The following PRKCB variants were observed in gnomAD, a reference collection of about 807,000 sequenced individuals.
PRKCB encodes protein kinase C beta.
PRKCB carries 13 observed loss-of-function variants against 81.5 expected under a neutral mutation model. That is an observed-to-expected ratio of 0.16 (90% CI 0.10 to 0.25). PRKCB has a LOEUF of 0.25. Among genes scored for constraint, PRKCB ranks in the 10% least tolerant of loss-of-function variants. The pLI, the probability that PRKCB is intolerant of heterozygous loss-of-function variation, is 1.00. For missense variants in PRKCB, 509 were observed against 875.7 expected, an observed-to-expected ratio of 0.58 and a Z score of 5.29; for synonymous variants, 335 against 321.4, an observed-to-expected ratio of 1.04 and a Z score of -0.45.
chr16:23,959,182 G>A (rs1389312548), intron 2 of PRKCB, among the ~76,000 whole-genome samples: 3 of 152,168 alleles, frequency 2.0e-5, no homozygotes, highest in Non-Finnish European at 2.9e-5. Flanking sequence ...ACCCCCTGTG[G>A]ATTATGTCAA....
At chr16:23,837,554 T>A (rs1962187768) in intron 2 of PRKCB, 148 bp downstream of exon 2, 1 of 1,011,236 alleles carries the variant, frequency 9.9e-7, no homozygotes, top group Non-Finnish European at 1.4e-6. Context: ...CACAACAGGG[T>A]CCTTTCAAGG....
chr16:24,156,718 C>T (rs966301400), intron 10 of PRKCB, among the ~76,000 whole-genome samples: 1 of 152,224 alleles, frequency 6.6e-6, no homozygotes, highest in Non-Finnish European at 1.5e-5. Context: ...TAGTCCAAAT[C>T]TCTAGTCTTA....
intron 15 of PRKCB, among the ~76,000 whole-genome samples, chr16:24,187,304 A>C (rs755109765): frequency 6.6e-6 from 1 of 152,204 alleles, no homozygotes; most frequent in South Asian, 2.1e-4. Flanking sequence ...CATTTGGCCA[A>C]TTCTCTCCAA....
chr16:24,073,792 T>A (rs1302852456), intron 5 of PRKCB, among the ~76,000 whole-genome samples: 2 of 152,190 alleles, frequency 1.3e-5, no homozygotes, highest in African/African-American at 4.8e-5. Context: ...AATATGTTGA[T>A]CTTTTCCAGA....
chr16:23,839,447 A>G lies in PRKCB; in HGVS notation c.205+2041A>G, dbSNP rs116725446. Among the ~76,000 whole-genome samples, 206 of 152,092 alleles carry G rather than the reference A, an allele frequency of 1.4e-3. 2 individuals are homozygous for G. The highest frequency in any genetic ancestry group is 4.5e-3 in the African/African-American group (188 of 41,474). On this transcript the variant is annotated intron_variant, in intron 2 of 16. Coordinates refer to ENST00000643927, the MANE Select transcript of PRKCB (RefSeq NM_002738.7). ...CACCACCATGCCTGGCTAATTTTAA[A>G]ACAACTTTTGTAGAGAAGGGGTCTT...
chr16:24,141,813 A>G (rs1013426428), intron 9 of PRKCB, among the ~76,000 whole-genome samples: 13 of 152,270 alleles, frequency 8.5e-5, no homozygotes, highest in Admixed American at 7.8e-4. Context: ...AGACAGTATG[A>G]CCTTGCCTTT....
intron 2 of PRKCB, among the ~76,000 whole-genome samples, chr16:23,912,057 C>A (rs918158204): frequency 6.6e-6 from 1 of 151,922 alleles, no homozygotes; most frequent in Non-Finnish European, 1.5e-5. Context: ...GTCTCGAACT[C>A]CTGACCTCAG....
chr16:23,953,579 C>A (rs1345191098), intron 2 of PRKCB, among the ~76,000 whole-genome samples: 2 of 152,138 alleles, frequency 1.3e-5, no homozygotes, highest in African/African-American at 4.8e-5. Context: ...CCAATTAGAG[C>A]TTTTGAGATT....
intron 10 of PRKCB, among the ~76,000 whole-genome samples, chr16:24,156,175 G>T (rs188862556): frequency 1.1e-4 from 17 of 152,274 alleles, no homozygotes; most frequent in African/African-American, 3.9e-4. Flanking sequence ...TAGTGGTATA[G>T]TTCCTGTGAG....
intron 5 of PRKCB, among the ~76,000 whole-genome samples, chr16:24,050,355 G>C (rs1025435330): frequency 6.6e-6 from 1 of 152,156 alleles, no homozygotes; most frequent in Non-Finnish European, 1.5e-5. Flanking sequence ...AGGGTGCCCA[G>C]AGTGAAAGAG....
intron 9 of PRKCB, among the ~76,000 whole-genome samples, chr16:24,129,520 CATCTATCTATCT>C (rs138115366): frequency 4.0e-5 from 6 of 151,184 alleles, no homozygotes; most frequent in African/African-American, 1.5e-4. Context: ...CATGCACGTG[CATCTATCTATCT>C]ATCTATCTAT....
intron 5 of PRKCB, among the ~76,000 whole-genome samples, chr16:24,092,475 G>A (rs1966387743): frequency 1.3e-5 from 2 of 152,168 alleles, no homozygotes; most frequent in Non-Finnish European, 2.9e-5. Flanking sequence ...CTTTGAAAAC[G>A]TTATGCTAAA....
At chr16:24,110,487 A>G (rs1459437372) in intron 7 of PRKCB, among the ~76,000 whole-genome samples, 1 of 143,306 alleles carries the variant, frequency 7.0e-6, no homozygotes, top group Non-Finnish European at 1.5e-5. Context: ...CTGGGATTAC[A>G]GGCATAAGCC....
chr16:24,017,859 A>G (rs1965300684), intron 3 of PRKCB, among the ~76,000 whole-genome samples: 1 of 149,038 alleles, frequency 6.7e-6, no homozygotes, highest in Admixed American at 6.7e-5. Context: ...CCCCACAAGT[A>G]GCTGGGACTA....
intron 9 of PRKCB, among the ~76,000 whole-genome samples, chr16:24,125,748 A>G (rs1966842767): frequency 6.6e-6 from 1 of 152,168 alleles, no homozygotes; most frequent in Non-Finnish European, 1.5e-5. Flanking sequence ...CCCAGATTGA[A>G]TGCGTGGATT....
At chr16:23,863,603 T>C (rs1962721296) in intron 2 of PRKCB, among the ~76,000 whole-genome samples, 1 of 152,186 alleles carries the variant, frequency 6.6e-6, no homozygotes, top group African/African-American at 2.4e-5. Context: ...GAAATAGAAT[T>C]GCATTTTGAA....
intron 2 of PRKCB, among the ~76,000 whole-genome samples, chr16:23,849,983 C>G (rs59232869): frequency 0.15 from 23,414 of 152,178 alleles, 2,021 homozygotes; most frequent in Admixed American, 0.25. Context: ...CTTCCCTCAT[C>G]CCAGATTCTG....
chr16:24,134,816 G>A (rs76970493), intron 9 of PRKCB, among the ~76,000 whole-genome samples: 1,679 of 152,078 alleles, frequency 0.011, 35 homozygotes, highest in African/African-American at 0.037. Flanking sequence ...GGAGGCTGGG[G>A]CAGGAAGAGA....
chr16:23,878,520 G>C (rs1191837661), intron 2 of PRKCB, among the ~76,000 whole-genome samples: 3 of 152,138 alleles, frequency 2.0e-5, no homozygotes, highest in African/African-American at 7.2e-5. Context: ...ATGGGAAAAA[G>C]CATGCTGCTA....
Sources: allele counts gnomAD v4.1 joint callset (sites outside exome capture counted in the v4.1 genomes callset), GRCh38; gene constraint gnomAD v4.1.1; transcripts MANE v1.5; gene names NCBI Gene and HGNC (gene_info 2026-07-23, HGNC 2026-07-21).